Variants in RETREG1 observed in about 807,000 individuals in gnomAD.
RETREG1 encodes family with sequence similarity 134 member B.
RETREG1 carries 44 observed loss-of-function variants against 54.8 expected under a neutral mutation model. The ratio of observed to expected loss-of-function variants is 0.80; its 90% CI spans 0.63 to 1.03. The LOEUF (loss-of-function observed/expected upper bound fraction) is 1.03. Ranked by LOEUF, RETREG1 falls within the 50% of genes least tolerant of loss-of-function variation. The pLI is 0.00. For missense variants in RETREG1, 554 were observed against 605.1 expected, an observed-to-expected ratio of 0.92 and a Z score of 0.89; for synonymous variants, 217 against 238.5, an observed-to-expected ratio of 0.91 and a Z score of 0.83.
In RETREG1 at chr5:16,474,669, C is replaced by CTTTTTTTTTTTTTTTTTTTTTTTTT; in HGVS notation, c.*71_*72insAAAAAAAAAAAAAAAAAAAAAAAAA. The CTTTTTTTTTTTTTTTTTTTTTTTTT allele has an allele frequency of 2.4e-6, 3 of 1,264,832 alleles. No homozygotes were observed. The highest frequency in any genetic ancestry group is 2.6e-5 in the East Asian group (1 of 38,764). 78.4% of individuals were successfully genotyped at this position (1,264,832 alleles called of 1,614,324 possible). ...CTTACAGTTCAATTTTTTTCTTTTCCTTTTTTTTTTTTTTTTCTTGTTTGA... is the reference window on the plus strand; with the variant it reads ...CTTACAGTTCAATTTTTTTCTTTTCCTTTTTTTTTTTTTTTTTTTTTTTTTTTTTTTTTTTTTTTTTCTTGTTTGA... On this transcript the variant is annotated 3_prime_UTR_variant, in exon 9 of 9. Coordinates refer to ENST00000306320, the MANE Select transcript of RETREG1 (RefSeq NM_001034850.3).
intron 3 of RETREG1, among the ~76,000 whole-genome samples, chr5:16,536,702 T>C (rs1475893362): frequency 6.6e-6 from 1 of 152,128 alleles, no homozygotes; most frequent in East Asian, 1.9e-4. Context: ...AAATCACAAA[T>C]TATCATGGAG....
In RETREG1 at chr5:16,616,953, G is replaced by C. The variant is rs532140281; in HGVS notation, c.19C>G (p.Pro7Ala). 85 of 1,438,738 alleles carry C rather than the reference G, an allele frequency of 5.9e-5. No individual in the cohort carries two copies. In the African/African-American group the frequency reaches 9.6e-4, roughly 16 times the overall value. The allele number at this position is 1,438,738 out of a possible 1,614,324, so 89.1% of individuals were successfully genotyped here. ...GGGCATCCCTCCTCGGCGTGCTCCGGAGGCGCCGGGCTCGCCATCTTCAGC... is the reference window on the plus strand; with the variant it reads ...GGGCATCCCTCCTCGGCGTGCTCCGCAGGCGCCGGGCTCGCCATCTTCAGC... MASPAPPEHAEEGCPAP... is the reference protein window; with the variant it reads MASPAPAEHAEEGCPAP... Residue 7 changes from proline to alanine, a missense_variant, in exon 1 of 9, where the codon CCG becomes GCG. By Grantham distance (27) the Pro-to-Ala change is conservative. This residue lies in a region of RETREG1 where 175 missense variants were observed against 142.1 expected (regional missense o/e 1.23). Coordinates refer to ENST00000306320, the MANE Select transcript of RETREG1 (RefSeq NM_001034850.3).
chr5:16,557,356 T>C (rs1403850921), intron 3 of RETREG1, among the ~76,000 whole-genome samples: 1 of 152,234 alleles, frequency 6.6e-6, no homozygotes, highest in Non-Finnish European at 1.5e-5. Context: ...ATAACTACAG[T>C]TCTCCACATC....
chr5:16,475,327 C>A, intron 8 of RETREG1, 93 bp from the exon 9 acceptor site: 2 of 1,434,798 alleles, frequency 1.4e-6, no homozygotes, highest in South Asian at 1.2e-5. Flanking sequence ...AATCTGAACC[C>A]TCTGGCAACC....
intron 3 of RETREG1, among the ~76,000 whole-genome samples, chr5:16,548,342 C>T (rs1386754177): frequency 2.6e-5 from 4 of 152,072 alleles, no homozygotes; most frequent in Non-Finnish European, 5.9e-5. Context: ...TGCTCTTATG[C>T]CCCTCCTGCC....
At chr5:16,589,633 TG>T (rs1244945620) in intron 1 of RETREG1, among the ~76,000 whole-genome samples, 1 of 152,216 alleles carries the variant, frequency 6.6e-6, no homozygotes, top group Non-Finnish European at 1.5e-5. Flanking sequence ...CCCAAAGTGT[TG>T]GGATTACAGG....
chr5:16,573,053 T>A (rs2126306988), intron 1 of RETREG1, among the ~76,000 whole-genome samples: 1 of 151,820 alleles, frequency 6.6e-6, no homozygotes, highest in African/African-American at 2.4e-5. Context: ...CATGGTGGCG[T>A]GCGCCTGCAG....
intron 3 of RETREG1, among the ~76,000 whole-genome samples, chr5:16,497,991 C>T (rs995366592): frequency 6.6e-6 from 1 of 152,202 alleles, no homozygotes; most frequent in Non-Finnish European, 1.5e-5. Context: ...CAAATCTCTT[C>T]TTGTTTCAGC....
At chr5:16,611,942 G>A (rs1561139665) in intron 1 of RETREG1, among the ~76,000 whole-genome samples, 2 of 152,070 alleles carry the variant, frequency 1.3e-5, no homozygotes, top group South Asian at 4.2e-4. Flanking sequence ...GCATGTGCCT[G>A]TAGTCCCAGC....
At chr5:16,581,107 C>A (rs553163868) in intron 1 of RETREG1, among the ~76,000 whole-genome samples, 1 of 152,282 alleles carries the variant, frequency 6.6e-6, no homozygotes, top group African/African-American at 2.4e-5. Context: ...GTTGATGCAA[C>A]TGACCACTGC....
chr5:16,541,728 AGAGG>A (rs1426745614), intron 3 of RETREG1, among the ~76,000 whole-genome samples: 5 of 108,374 alleles, frequency 4.6e-5, no homozygotes, highest in South Asian at 3.5e-4. Flanking sequence ...AGAAGAGAAG[AGAGG>A]GAGGGAGGGA....
chr5:16,604,193 C>T (rs1206418135), intron 1 of RETREG1, among the ~76,000 whole-genome samples: 1 of 152,080 alleles, frequency 6.6e-6, no homozygotes, highest in South Asian at 2.1e-4. Context: ...CTGATTACAC[C>T]CAGCAACCTC....
At chr5:16,483,493 A>C (rs544132310) in intron 3 of RETREG1, 21 bp from the exon 4 acceptor site, 1 of 1,611,964 alleles carries the variant, frequency 6.2e-7, no homozygotes, top group East Asian at 2.2e-5. Context: ...AAAAAGAAAA[A>C]AAATACTACT....
chr5:16,523,526 C>T (rs915601703), intron 3 of RETREG1, among the ~76,000 whole-genome samples: 5 of 152,126 alleles, frequency 3.3e-5, no homozygotes, highest in African/African-American at 1.2e-4. Flanking sequence ...TTTCGGGGCT[C>T]ACGATGTCCA....
At chr5:16,573,735 G>GTTTTTTTTTTTTT (rs3993826) in intron 1 of RETREG1, among the ~76,000 whole-genome samples, 6 of 122,186 alleles carry the variant, frequency 4.9e-5, no homozygotes, top group South Asian at 2.6e-4. Context: ...GGGTTTGTTT[G>GTTTTTTTTTTTTT]TTTTTTGTTT....
At chr5:16,576,438 G>A (rs1219892227) in intron 1 of RETREG1, among the ~76,000 whole-genome samples, 1 of 150,416 alleles carries the variant, frequency 6.6e-6, no homozygotes, top group Admixed American at 6.6e-5. Flanking sequence ...GACTACAGGT[G>A]CACGCCACCA....
intron 3 of RETREG1, among the ~76,000 whole-genome samples, chr5:16,546,249 C>G (rs115382431): frequency 0.01 from 1,571 of 152,276 alleles, 31 homozygotes; most frequent in African/African-American, 0.035. Flanking sequence ...CTCACTGCAG[C>G]CTCAAATTCC....
At chr5:16,543,719 T>C (rs947139257) in intron 3 of RETREG1, among the ~76,000 whole-genome samples, 2 of 151,348 alleles carry the variant, frequency 1.3e-5, no homozygotes, top group African/African-American at 2.4e-5. Flanking sequence ...AAAATGGTTA[T>C]ACTATTTGAT....
At chr5:16,573,172 T>G (rs1314162959) in intron 1 of RETREG1, among the ~76,000 whole-genome samples, 2 of 116,296 alleles carry the variant, frequency 1.7e-5, no homozygotes, top group African/African-American at 6.6e-5. Context: ...GAGAGTGAGA[T>G]TCTGTCTCAA....
Sources: gnomAD v4.1 joint callset for allele counts (sites outside exome capture counted in the v4.1 genomes callset) on GRCh38, gnomAD v4.1.1 for gene constraint, gnomAD v4.1.1 regional missense constraint, MANE v1.5 for transcripts, NCBI Gene and HGNC (gene_info 2026-07-23, HGNC 2026-07-21) for gene names.